AGAP1: variants seen among roughly 807,000 people sequenced by gnomAD.
AGAP1 encodes arf-GAP with GTPase, ANK repeat and PH domain-containing protein 1.
A neutral mutation model predicts 105.3 loss-of-function variants in AGAP1; 29 were observed. That is an observed-to-expected ratio of 0.28 (90% CI 0.21 to 0.38). The LOEUF is 0.38. Ranked by LOEUF, AGAP1 falls within the 10% of genes least tolerant of loss-of-function variation. The probability of loss-of-function intolerance (pLI) is 1.00; values close to 1 mark genes in which losing one functional copy is unlikely to be tolerated. For missense variants in AGAP1, 998 were observed against 1,165.1 expected, an observed-to-expected ratio of 0.86 and a Z score of 2.09; for synonymous variants, 509 against 485.9, an observed-to-expected ratio of 1.05 and a Z score of -0.63.
chr2:235,623,577 G>A lies in AGAP1; in HGVS notation c.164-85602G>A, dbSNP rs1946552465. On this transcript the variant is annotated intron_variant, in intron 1 of 17. Coordinates refer to ENST00000304032, the MANE Select transcript of AGAP1 (RefSeq NM_001037131.3). This position sits in a 1 kb window ranked among gnomAD's most constrained non-coding sequence, Gnocchi z 4.5. The stretch of plus-strand genomic sequence containing the variant: ...TTCACAGCATGGTGCTCCCAAGCTA[G>A]TTGCTGAAGCTGTGGGCCATTGAGC... Among the ~76,000 whole-genome samples the A allele has an allele frequency of 6.6e-6, 1 of 152,148 alleles. No individual in the cohort carries two copies. The highest frequency in any genetic ancestry group is 1.5e-5 in the Non-Finnish European group (1 of 68,020).
intron 6 of AGAP1, among the ~76,000 whole-genome samples, chr2:235,778,683 A>T (rs544164730): frequency 3.9e-5 from 6 of 152,316 alleles, no homozygotes; most frequent in African/African-American, 1.4e-4. Flanking sequence ...ACTGGTGATG[A>T]TAGAGGTCCT....
intron 16 of AGAP1, among the ~76,000 whole-genome samples, chr2:236,068,153 T>A (rs2058396044): frequency 6.6e-6 from 1 of 152,080 alleles, no homozygotes; most frequent in Admixed American, 6.5e-5. Context: ...GTGCCTGTAA[T>A]CCCAGCTACT....
intron 1 of AGAP1, chr2:235,669,628 C>T (rs928675951): frequency 2.1e-5 from 3 of 143,964 alleles, no homozygotes; most frequent in African/African-American, 7.7e-5. Flanking sequence ...TAAACCGCCG[C>T]CCGCCGCCCG....
In AGAP1 at chr2:236,124,160, G is replaced by A. The variant is rs762266796; in HGVS notation, c.*38G>A. 4.0e-5 allele frequency: 64 copies of A among 1,602,494 alleles called. No individual in the cohort carries two copies. The highest frequency in any genetic ancestry group is 6.7e-5 in the African/African-American group (5 of 74,656). ...CCCGCCTGCTCGCCGCACCTGGGACGCGGCAGCCTCGCCGCATTCTCGCTC... is the reference window on the plus strand; with the variant it reads ...CCCGCCTGCTCGCCGCACCTGGGACACGGCAGCCTCGCCGCATTCTCGCTC... On this transcript the variant is annotated 3_prime_UTR_variant, in exon 18 of 18. Transcript: ENST00000304032. The surrounding 1 kb of genome is among the most constrained non-coding windows in gnomAD (Gnocchi z 5.1).
Position 235,992,990 on chromosome 2 carries a change from T to C in AGAP1, c.1645+24367T>C, listed in dbSNP as rs947554455. Among the ~76,000 whole-genome samples the C allele has an allele frequency of 3.3e-5, 5 of 152,166 alleles. No individual in the cohort carries two copies. The highest frequency in any genetic ancestry group is 2.1e-4 in the South Asian group (1 of 4,828). Reference sequence around the variant, plus strand: ...TCCATGCTGACGTGTCTGCCTTTCATGAAAGATAGTAGCAAAAGTTATTGT... The same window carrying C: ...TCCATGCTGACGTGTCTGCCTTTCACGAAAGATAGTAGCAAAAGTTATTGT... On this transcript the variant is annotated intron_variant, in intron 13 of 17. Coordinates refer to ENST00000304032, the MANE Select transcript of AGAP1 (RefSeq NM_001037131.3). The surrounding 1 kb of genome is among the most constrained non-coding windows in gnomAD (Gnocchi z 4.8).
chr2:235,709,216 A>G lies in AGAP1; in HGVS notation c.201A>G (p.Arg67=), dbSNP rs1164186880. 6.2e-7 allele frequency: 1 copy of G among 1,614,068 alleles called. No homozygotes were observed. The highest frequency in any genetic ancestry group is 8.5e-7 in the Non-Finnish European group (1 of 1,180,008). ...ACAGCCAGGAATGGACGCTGAGTCG[A>G]TCTGTCCCGGAGCTCAAAGTGGTGA... ...FVNSQEWTLS[R]SVPELKVGIV... is the part of the protein sequence containing the mutation. The change falls in exon 2 of 18, where the codon CGA becomes CGG. Residue 67 remains arginine (R), a synonymous_variant. Coordinates refer to ENST00000304032, the MANE Select transcript of AGAP1 (RefSeq NM_001037131.3).
intron 12 of AGAP1, among the ~76,000 whole-genome samples, chr2:235,939,599 A>C (rs905910199): frequency 6.6e-6 from 1 of 151,730 alleles, no homozygotes; most frequent in Non-Finnish European, 1.5e-5. Context: ...TACCACCCAC[A>C]TTCTCTTCAA....
intron 9 of AGAP1, among the ~76,000 whole-genome samples, chr2:235,814,386 C>T (rs1431570340): frequency 6.6e-6 from 1 of 152,224 alleles, no homozygotes; most frequent in African/African-American, 2.4e-5. Context: ...AGCTCTCCTA[C>T]AAGTAGAGGA....
intron 1 of AGAP1, chr2:235,670,844 C>G: frequency 7.3e-7 from 1 of 1,378,630 alleles, no homozygotes; most frequent in Non-Finnish European, 9.4e-7. Context: ...GCGGCTGGAG[C>G]GCGCGCGGGC....
intron 1 of AGAP1, among the ~76,000 whole-genome samples, chr2:235,504,721 T>TCGGTGCTTTC (rs1553552951): frequency 6.6e-6 from 1 of 152,234 alleles, no homozygotes; most frequent in African/African-American, 2.4e-5. Context: ...GGGAAACCTT[T>TCGGTGCTTTC]CAGTGCTTTC....
Position 235,879,799 on chromosome 2 carries a change from G to A in AGAP1, c.1051-3546G>A, listed in dbSNP as rs945817312. On this transcript the variant is annotated intron_variant, in intron 9 of 17. Transcript: ENST00000304032. The surrounding 1 kb of genome is among the most constrained non-coding windows in gnomAD (Gnocchi z 5.0). ...AATAAAAAATTAGACAGACATGGTGGCATGTGTGTGTAGTCCTAGCTACTC... is the reference window on the plus strand; with the variant it reads ...AATAAAAAATTAGACAGACATGGTGACATGTGTGTGTAGTCCTAGCTACTC... Among the ~76,000 whole-genome samples the A allele has an allele frequency of 6.6e-6, 1 of 152,106 alleles. No homozygotes were observed. Among genetic ancestry groups the A allele is most frequent in the Non-Finnish European group, 1.5e-5 (1 of 68,018 alleles).
chr2:235,592,135 C>T (rs953979207), intron 1 of AGAP1, among the ~76,000 whole-genome samples: 3 of 152,222 alleles, frequency 2.0e-5, no homozygotes, highest in African/African-American at 7.2e-5. Flanking sequence ...CTGGACAGCG[C>T]CCTGTGGCCA....
intron 1 of AGAP1, among the ~76,000 whole-genome samples, chr2:235,594,507 A>T (rs1296700303): frequency 6.6e-6 from 1 of 151,982 alleles, no homozygotes; most frequent in Middle Eastern, 3.2e-3. Context: ...TGGGCCAGGT[A>T]CTGTGTTCAG....
At chr2:235,511,439 T>C (rs574889045) in intron 1 of AGAP1, among the ~76,000 whole-genome samples, 1 of 152,146 alleles carries the variant, frequency 6.6e-6, no homozygotes, top group African/African-American at 2.4e-5. Flanking sequence ...CTCCTGGCCC[T>C]CAAGTGTTCT....
At position 235,552,478 on chromosome 2, in the gene AGAP1, G is replaced by A. The variant is rs975765971; in HGVS notation, c.163+57629G>A. On this transcript the variant is annotated intron_variant, in intron 1 of 17. Coordinates refer to ENST00000304032, the MANE Select transcript of AGAP1 (RefSeq NM_001037131.3). This position sits in a 1 kb window ranked among gnomAD's most constrained non-coding sequence, Gnocchi z 5.9. The stretch of plus-strand genomic sequence containing the variant: ...GCTTGAGTGCAGTGCAGAGCACTGG[G>A]AAATGGACTTCCTGGGAAGTGTGGG... Among the ~76,000 whole-genome samples the A allele has an allele frequency of 1.3e-5, 2 of 152,182 alleles. No individual in the cohort carries two copies. Among genetic ancestry groups the A allele is most frequent in the Admixed American group, 1.3e-4 (2 of 15,284 alleles).
rs1430582941 is a variant in AGAP1, at chr2:236,119,019, T to G, written c.2115-1173T>G. Among the ~76,000 whole-genome samples the G allele has an allele frequency of 1.3e-5, 2 of 152,062 alleles. No homozygotes were observed. The highest frequency in any genetic ancestry group is 1.9e-4 in the East Asian group (1 of 5,184). On this transcript the variant is annotated intron_variant, in intron 16 of 17. Coordinates refer to ENST00000304032, the MANE Select transcript of AGAP1 (RefSeq NM_001037131.3). This position sits in a 1 kb window ranked among gnomAD's most constrained non-coding sequence, Gnocchi z 6.6. ...GGTTTCCTCTTCTATTTGTTAAGCT[T>G]CTCATCTCATCCTGTCCTCTCCTTC...
intron 9 of AGAP1, among the ~76,000 whole-genome samples, chr2:235,820,638 T>TA (rs1958739014): frequency 6.6e-6 from 1 of 152,244 alleles, no homozygotes; most frequent in African/African-American, 2.4e-5. Context: ...TCATTCATGC[T>TA]AAAAACAAGA....
rs1429342524 is a variant in AGAP1 at position 236,000,303 on chromosome 2, A to G, written c.1645+31680A>G. Among the ~76,000 whole-genome samples, 2 of 152,230 alleles carry G rather than the reference A, an allele frequency of 1.3e-5. No individual in the cohort carries two copies. The highest frequency in any genetic ancestry group is 2.4e-5 in the African/African-American group (1 of 41,456). Reference sequence around the variant, plus strand: ...TTTTTCCTTATCAGCATCATAATGAAACAACGTGGGAGGAAACAAAGTTAT... The same window carrying G: ...TTTTTCCTTATCAGCATCATAATGAGACAACGTGGGAGGAAACAAAGTTAT... On this transcript the variant is annotated intron_variant, in intron 13 of 17. Coordinates refer to ENST00000304032, the MANE Select transcript of AGAP1 (RefSeq NM_001037131.3). This position sits in a 1 kb window ranked among gnomAD's most constrained non-coding sequence, Gnocchi z 4.3.
At position 235,644,429 on chromosome 2, in the gene AGAP1, C is replaced by T. The variant is rs142429648; in HGVS notation, c.164-64750C>T. Among the ~76,000 whole-genome samples the T allele has an allele frequency of 4.6e-5, 7 of 152,196 alleles. No homozygotes were observed. In the East Asian group the frequency reaches 9.7e-4, roughly 21 times the overall value. ...TTGGACCTGCTGGTGCTTACACATA[C>T]GTTTCCATGGAGTCTGTACCAAAAC... is the stretch of plus-strand genomic sequence containing the variant. On this transcript the variant is annotated intron_variant, in intron 1 of 17. Coordinates refer to ENST00000304032, the MANE Select transcript of AGAP1 (RefSeq NM_001037131.3).
Sources: gnomAD v4.1 joint callset for allele counts (sites outside exome capture counted in the v4.1 genomes callset) on GRCh38, gnomAD v4.1.1 for gene constraint, Gnocchi (gnomAD v3.1) non-coding constraint, MANE v1.5 for transcripts, NCBI Gene and HGNC (gene_info 2026-07-23, HGNC 2026-07-21) for gene names.